PATJ: variants seen among roughly 807,000 people sequenced by gnomAD.
PATJ encodes inaD-like protein.
In PATJ, 190 loss-of-function variants were observed where a neutral mutation model predicts 224.9. The observed-to-expected ratio is 0.84, with a 90% CI of 0.75 to 0.95. The LOEUF is 0.95. Among genes scored for constraint, PATJ ranks in the 40% least tolerant of loss-of-function variants. The pLI is 0.00. For missense variants in PATJ, 2,121 were observed against 2,270.3 expected (o/e 0.93, Z 1.34); for synonymous variants, 769 against 820.3 (o/e 0.94, Z 1.07).
intron 1 of PATJ, among the ~76,000 whole-genome samples, chr1:61,753,658 C>T (rs1024502688): frequency 2.6e-5 from 4 of 151,774 alleles, no homozygotes; most frequent in Admixed American, 6.6e-5. Context: ...TACAGGTGTG[C>T]ATCACCACGT....
intron 28 of PATJ, among the ~76,000 whole-genome samples, chr1:62,007,280 G>A (rs1460938161): frequency 6.6e-6 from 1 of 152,204 alleles, no homozygotes; most frequent in East Asian, 1.9e-4. Context: ...TAGGCATCAT[G>A]AAGCTGAGAC....
intron 28 of PATJ, among the ~76,000 whole-genome samples, chr1:62,017,513 C>G (rs1348724242): frequency 6.6e-6 from 1 of 151,282 alleles, no homozygotes; most frequent in Non-Finnish European, 1.5e-5. Flanking sequence ...CACTTGTGGC[C>G]AAGAGTTTAA....
intron 35 of PATJ, among the ~76,000 whole-genome samples, chr1:62,115,187 G>A (rs1570663416): frequency 6.6e-6 from 1 of 152,068 alleles, no homozygotes; most frequent in Admixed American, 6.6e-5. Context: ...GCAGACGCCT[G>A]TAATCCCAGC....
chr1:62,078,418 G>A (rs1049702187), intron 31 of PATJ, among the ~76,000 whole-genome samples: 65 of 152,080 alleles, frequency 4.3e-4, no homozygotes, highest in Non-Finnish European at 1.8e-4. Flanking sequence ...AAGTAGCTGG[G>A]ATTACAGGCA....
At chr1:61,806,621 A>C (rs1269273041) in intron 13 of PATJ, among the ~76,000 whole-genome samples, 1 of 150,460 alleles carries the variant, frequency 6.6e-6, no homozygotes, top group East Asian at 1.9e-4. Context: ...TCCGCCTCAA[A>C]AAAAAAAAAA....
intron 28 of PATJ, among the ~76,000 whole-genome samples, chr1:62,014,559 T>C (rs563399894): frequency 3.1e-5 from 4 of 128,858 alleles, no homozygotes; most frequent in Admixed American, 3.0e-4. Flanking sequence ...TTTCTTTTCT[T>C]TCCTTTTTTT....
Position 61,960,803 on chromosome 1 carries a change from C to T in PATJ, c.3671-29365C>T, listed in dbSNP as rs2482885. ...TCTCTAGAAATGATAATTTTGCTGA[C>T]CATTTTTCTCAGTGCTCTTGGCTTC... On this transcript the variant is annotated intron_variant, in intron 27 of 43. Coordinates refer to ENST00000642238, the MANE Select transcript of PATJ (RefSeq NM_001350145.3). 3.6e-3 allele frequency among the ~76,000 whole-genome samples: 555 copies of T among 152,170 alleles called. 4 individuals carry two copies. The highest frequency in any genetic ancestry group is 0.013 in the African/African-American group (521 of 41,516).
At chr1:61,915,998 A>G (rs1673409806) in intron 26 of PATJ, among the ~76,000 whole-genome samples, 2 of 152,068 alleles carry the variant, frequency 1.3e-5, no homozygotes, top group Non-Finnish European at 2.9e-5. Flanking sequence ...CCTGGCCTAT[A>G]ATTTTCTTTA....
At chr1:62,057,296 G>T (rs142928751) in intron 31 of PATJ, among the ~76,000 whole-genome samples, 1,543 of 152,310 alleles carry the variant, frequency 0.01, 26 homozygotes, top group African/African-American at 0.035. Context: ...AAGGTTTTAG[G>T]CAACCTTAGA....
intron 27 of PATJ, among the ~76,000 whole-genome samples, chr1:61,949,887 G>C (rs899949262): frequency 2.0e-5 from 3 of 151,550 alleles, no homozygotes; most frequent in African/African-American, 7.3e-5. Context: ...AGGTGACAGA[G>C]CGAGACTCTG....
At chr1:62,095,312 G>A (rs1052419975) in intron 33 of PATJ, among the ~76,000 whole-genome samples, 1 of 152,166 alleles carries the variant, frequency 6.6e-6, no homozygotes, top group African/African-American at 2.4e-5. Context: ...CTGAAATTAA[G>A]TAGTGCTTAA....
At chr1:61,751,190 C>A (rs1219119328) in intron 1 of PATJ, among the ~76,000 whole-genome samples, 1 of 151,508 alleles carries the variant, frequency 6.6e-6, no homozygotes, top group South Asian at 2.1e-4. Context: ...TTAGTGGAGA[C>A]GGGGTTTCAC....
At chr1:61,775,386 T>C in intron 7 of PATJ, 52 bp downstream of exon 7, 1 of 1,493,684 alleles carries the variant, frequency 6.7e-7, no homozygotes, top group Non-Finnish European at 9.2e-7. Context: ...TTAAGTTGTA[T>C]GAATTGAAAT....
At chr1:61,969,045 AT>A (rs1682573682) in intron 27 of PATJ, among the ~76,000 whole-genome samples, 1 of 152,208 alleles carries the variant, frequency 6.6e-6, no homozygotes, top group Admixed American at 6.5e-5. Context: ...ATGTTGTAGT[AT>A]GTGACAGGGT....
rs12738576 is a variant in PATJ at position 61,972,874 on chromosome 1, A to G, written c.3671-17294A>G. On this transcript the variant is annotated intron_variant, in intron 27 of 43. Transcript: ENST00000642238. Reference sequence around the variant, plus strand: ...ATCTTTTTGACTTCACCATGTACCTATTAGTGAAGCTCTTTCTGACTCTAA... The same window carrying G: ...ATCTTTTTGACTTCACCATGTACCTGTTAGTGAAGCTCTTTCTGACTCTAA... Among the ~76,000 whole-genome samples the G allele has an allele frequency of 6.5e-4, 98 of 151,790 alleles. 1 individual carries two copies. Among genetic ancestry groups the G allele is most frequent in the Non-Finnish European group, 9.7e-4 (66 of 67,964 alleles).
chr1:61,984,491 G>A (rs946114903), intron 27 of PATJ, among the ~76,000 whole-genome samples: 5 of 152,032 alleles, frequency 3.3e-5, no homozygotes, highest in African/African-American at 1.2e-4. Context: ...TAATGTTTCA[G>A]GGTTGGGATT....
intron 28 of PATJ, 86 bp from the exon 29 acceptor site, chr1:62,017,770 A>G: frequency 1.5e-6 from 1 of 682,544 alleles, no homozygotes; most frequent in Non-Finnish European, 2.5e-6. Context: ...AAAGAAATTC[A>G]GTAGACTTTA....
intron 28 of PATJ, among the ~76,000 whole-genome samples, chr1:61,992,106 C>T (rs1056416185): frequency 4.0e-5 from 6 of 150,298 alleles, no homozygotes; most frequent in Non-Finnish European, 8.8e-5. Flanking sequence ...TACTATGTTC[C>T]CTGTGGGATT....
chr1:61,799,487 G>A (rs975053595), intron 11 of PATJ, among the ~76,000 whole-genome samples: 8 of 152,096 alleles, frequency 5.3e-5, no homozygotes, highest in South Asian at 4.1e-4. Flanking sequence ...GATCCACCAC[G>A]CCTGGCACAA....
Sources: gnomAD v4.1 joint callset for allele counts (sites outside exome capture counted in the v4.1 genomes callset) on GRCh38, gnomAD v4.1.1 for gene constraint, MANE v1.5 for transcripts, NCBI Gene and HGNC (gene_info 2026-07-23, HGNC 2026-07-21) for gene names.